RPH3A: variants seen among roughly 807,000 people sequenced by gnomAD.
RPH3A encodes rabphilin 3A, also known as rabphilin-3A.
RPH3A carries 48 observed loss-of-function variants against 102.2 expected under a neutral mutation model. The observed-to-expected ratio is 0.47, with a 90% CI of 0.37 to 0.60. The LOEUF (loss-of-function observed/expected upper bound fraction) is 0.60. Ranked by LOEUF, RPH3A falls within the 20% of genes least tolerant of loss-of-function variation. The pLI, the probability that RPH3A is intolerant of heterozygous loss-of-function variation, is 0.00. For synonymous variants in RPH3A, 310 were observed against 324.3 expected (o/e 0.96, Z 0.47); for missense variants, 781 against 910.1 (o/e 0.86, Z 1.83).
intron 1 of RPH3A, among the ~76,000 whole-genome samples, chr12:112,604,381 TG>T (rs2135970406): frequency 6.6e-6 from 1 of 152,312 alleles, no homozygotes; most frequent in South Asian, 2.1e-4. Context: ...CAGTCATCTG[TG>T]CTGAGAGTTA....
chr12:112,733,451 G>A (rs1346968015), intron 1 of RPH3A, among the ~76,000 whole-genome samples: 1 of 152,166 alleles, frequency 6.6e-6, no homozygotes, highest in Non-Finnish European at 1.5e-5. Flanking sequence ...AAGATAAAGG[G>A]GTTGAAGCAG....
At chr12:112,610,508 A>G (rs1454835940) in intron 1 of RPH3A, among the ~76,000 whole-genome samples, 1 of 109,636 alleles carries the variant, frequency 9.1e-6, no homozygotes, top group Non-Finnish European at 2.3e-5. Flanking sequence ...GTCTCAATTA[A>G]AAAAAAAAAA....
rs1248654777 is a variant in RPH3A at position 112,767,827 on chromosome 12, T to TA, written c.-139-24308dup. 3.9e-5 allele frequency among the ~76,000 whole-genome samples: 6 copies of TA among 152,030 alleles called. No homozygotes were observed. The East Asian group carries it at 5.8e-4, about 15-fold the overall frequency. On this transcript the variant is annotated intron_variant, in intron 1 of 21. Transcript: ENST00000543106. ...ATATGTGCTACATCACGATGAACCT[T>TA]AAAAAAAATCATGCTAAGTGAAAGA...
intron 10 of RPH3A, 101 bp from the exon 11 acceptor site, chr12:112,874,983 C>G (rs879368689): frequency 1.1e-6 from 1 of 935,854 alleles, no homozygotes; most frequent in Non-Finnish European, 1.6e-6. Context: ...CAGTGAAAGT[C>G]CAAGGGGCTC....
At chr12:112,586,238 C>G (rs749829619) in intron 1 of RPH3A, among the ~76,000 whole-genome samples, 1 of 152,078 alleles carries the variant, frequency 6.6e-6, no homozygotes, top group Non-Finnish European at 1.5e-5. Context: ...GTATTGCGGA[C>G]AAAGTAATGA....
intron 2 of RPH3A, among the ~76,000 whole-genome samples, chr12:112,819,485 A>AGGATTT (rs1339537785): frequency 6.6e-6 from 1 of 152,200 alleles, no homozygotes; most frequent in Non-Finnish European, 1.5e-5. Context: ...AAGGGGAGGT[A>AGGATTT]GGATTGGATC....
intron 8 of RPH3A, 92 bp from the exon 9 acceptor site, chr12:112,869,666 TA>T (rs2042671568): frequency 8.7e-7 from 1 of 1,151,260 alleles, no homozygotes; most frequent in Admixed American, 2.0e-5. Context: ...TCTTAGGCAA[TA>T]GTCAATGAAC....
intron 1 of RPH3A, among the ~76,000 whole-genome samples, chr12:112,666,296 T>G (rs1184770160): frequency 1.3e-5 from 2 of 152,082 alleles, no homozygotes; most frequent in Non-Finnish European, 2.9e-5. Flanking sequence ...AGGTAGGGGA[T>G]ATGTCTAAAA....
intron 1 of RPH3A, among the ~76,000 whole-genome samples, chr12:112,754,454 A>T (rs1000961978): frequency 6.6e-6 from 1 of 152,216 alleles, no homozygotes; most frequent in Admixed American, 6.5e-5. Context: ...ACCATGAACC[A>T]TGAACCAATG....
chr12:112,632,123 C>T (rs113056838), intron 1 of RPH3A, among the ~76,000 whole-genome samples: 3,578 of 152,136 alleles, frequency 0.024, 147 homozygotes, highest in African/African-American at 0.081. Context: ...GAGGAGTTCC[C>T]CTGCACAAGC....
At chr12:112,680,459 C>T (rs1427110221) in intron 1 of RPH3A, among the ~76,000 whole-genome samples, 2 of 152,130 alleles carry the variant, frequency 1.3e-5, no homozygotes, top group African/African-American at 4.8e-5. Context: ...TGAGGTATAT[C>T]GTTACCACTC....
At chr12:112,652,140 G>A (rs2135997824) in intron 1 of RPH3A, among the ~76,000 whole-genome samples, 1 of 152,138 alleles carries the variant, frequency 6.6e-6, no homozygotes, top group Non-Finnish European at 1.5e-5. Context: ...AGATCATGTG[G>A]GAATTGTTTT....
chr12:112,661,357 G>C (rs1378142830), intron 1 of RPH3A, among the ~76,000 whole-genome samples: 1 of 152,136 alleles, frequency 6.6e-6, no homozygotes, highest in South Asian at 2.1e-4. Context: ...GCAAGCCAGA[G>C]CTACTCCCTA....
intron 1 of RPH3A, among the ~76,000 whole-genome samples, chr12:112,745,958 G>A (rs1301914165): frequency 6.6e-6 from 1 of 151,996 alleles, no homozygotes; most frequent in Non-Finnish European, 1.5e-5. Flanking sequence ...AGGCAGGAGT[G>A]TTTATGAGCT....
chr12:112,629,761 C>CAAT (rs976787656), intron 1 of RPH3A, among the ~76,000 whole-genome samples: 3 of 151,692 alleles, frequency 2.0e-5, no homozygotes, highest in Admixed American at 2.0e-4. Flanking sequence ...TTAATTGGGT[C>CAAT]AATAATAATA....
intron 1 of RPH3A, among the ~76,000 whole-genome samples, chr12:112,783,063 A>G (rs2041019793): frequency 6.6e-6 from 1 of 152,148 alleles, no homozygotes; most frequent in South Asian, 2.1e-4. Context: ...GCTGCCTGAG[A>G]GATGGGCTCT....
intron 3 of RPH3A, 113 bp from the exon 4 acceptor site, chr12:112,836,378 T>C (rs1253063606): frequency 1.6e-5 from 8 of 498,252 alleles, no homozygotes; most frequent in South Asian, 3.6e-5. Context: ...TGGAAGTAGG[T>C]CATCATAATT....
intron 1 of RPH3A, among the ~76,000 whole-genome samples, chr12:112,645,859 A>AGCCAT (rs2039926166): frequency 1.3e-5 from 2 of 152,170 alleles, no homozygotes; most frequent in African/African-American, 4.8e-5. Flanking sequence ...GCCGGTAGAC[A>AGCCAT]GCCATAGGAG....
intron 2 of RPH3A, among the ~76,000 whole-genome samples, chr12:112,798,270 T>C (rs1180337777): frequency 6.6e-6 from 1 of 152,218 alleles, no homozygotes; most frequent in African/African-American, 2.4e-5. Flanking sequence ...AAGAGGAAAC[T>C]CATCTGACAG....
Sources: gnomAD v4.1 joint callset for allele counts (sites outside exome capture counted in the v4.1 genomes callset) on GRCh38, gnomAD v4.1.1 for gene constraint, MANE v1.5 for transcripts, NCBI Gene and HGNC (gene_info 2026-07-23, HGNC 2026-07-21) for gene names.